The following UNC5D variants were observed in gnomAD, a reference collection of about 807,000 sequenced individuals.
The protein encoded by UNC5D is unc-5 netrin receptor D, also known as netrin receptor UNC5D.
UNC5D carries 39 observed loss-of-function variants against 105.4 expected under a neutral mutation model. The ratio of observed to expected loss-of-function variants is 0.37; its 90% confidence interval spans 0.29 to 0.48. The LOEUF is 0.48. UNC5D is among the 20% of genes least tolerant of loss of function. The pLI is 0.98. For missense variants in UNC5D, 991 were observed against 1,202.4 expected, an observed-to-expected ratio of 0.82 and a Z score of 2.60; for synonymous variants, 452 against 450.4, an observed-to-expected ratio of 1.00 and a Z score of -0.04.
chr8:35,729,632 G>A (rs1374624050), intron 10 of UNC5D, among the ~76,000 whole-genome samples: 1 of 152,214 alleles, frequency 6.6e-6, no homozygotes, highest in Non-Finnish European at 1.5e-5. Flanking sequence ...GATGTCCTGT[G>A]TCTTGCAACT....
At chr8:35,514,942 A>T (rs1249639001) in intron 1 of UNC5D, among the ~76,000 whole-genome samples, 1 of 152,180 alleles carries the variant, frequency 6.6e-6, no homozygotes, top group African/African-American at 2.4e-5. Context: ...GCCGGCTCTG[A>T]AAGTTTATAC....
At chr8:35,612,643 A>G (rs1393960390) in intron 4 of UNC5D, among the ~76,000 whole-genome samples, 7 of 152,074 alleles carry the variant, frequency 4.6e-5, no homozygotes. Flanking sequence ...TAAAGCTTTA[A>G]AAATGAAAGA....
In UNC5D at chr8:35,793,215, C is replaced by T; in HGVS notation, c.*2652C>T. 4.5e-6 allele frequency: 2 copies of T among 443,720 alleles called. No homozygotes were observed. The highest frequency in any genetic ancestry group is 9.0e-6 in the Non-Finnish European group (2 of 221,520). 27.5% of individuals were successfully genotyped at this position (443,720 alleles called of 1,614,324 possible). On this transcript the variant is annotated 3_prime_UTR_variant, in exon 17 of 17. Coordinates refer to ENST00000404895, the MANE Select transcript of UNC5D (RefSeq NM_080872.4). ...CATGTCAGGATTGCACAGTATGTTA[C>T]AATACAATTTCAAAGAGAACCCACA...
At position 35,398,530 on chromosome 8, in the gene UNC5D, TA is replaced by T. The variant is rs909600799; in HGVS notation, c.104-150750del. On this transcript the variant is annotated intron_variant, in intron 1 of 16. Transcript: ENST00000404895. ...ACTAACAGTGCTTCTAAGCAGACAT[TA>T]AAAAAAAAAAAGTGTCTCTTGTTTA... 8.5e-3 allele frequency among the ~76,000 whole-genome samples: 1,235 copies of T among 144,548 alleles called. 7 individuals are homozygous for T. The highest frequency in any genetic ancestry group is 0.013 in the African/African-American group (501 of 39,764). 94.8% of individuals were successfully genotyped at this position (144,548 alleles called of 152,430 possible). A position where few individuals can be genotyped will look rare whatever the true frequency, so the allele number is the denominator to read the frequency against.
intron 1 of UNC5D, chr8:35,256,614 A>T (rs1455552459): frequency 1.3e-5 from 2 of 152,158 alleles, no homozygotes; most frequent in African/African-American, 4.8e-5. Flanking sequence ...ACAAAAAAAA[A>T]AAGAAACTAA....
At chr8:35,684,770 CT>C in intron 6 of UNC5D, 21 bp downstream of exon 6, 5 of 1,587,202 alleles carry the variant, frequency 3.2e-6, no homozygotes, top group Non-Finnish European at 4.3e-6. Flanking sequence ...TGCAGATTCC[CT>C]TTTCCCTTCT....
intron 1 of UNC5D, among the ~76,000 whole-genome samples, chr8:35,393,215 C>G (rs1803887178): frequency 7.2e-6 from 1 of 138,498 alleles, no homozygotes; most frequent in Non-Finnish European, 1.5e-5. Flanking sequence ...TCACTGCAGG[C>G]TCCGCCCCCT....
chr8:35,406,579 G>A (rs1804814498), intron 1 of UNC5D, among the ~76,000 whole-genome samples: 1 of 152,156 alleles, frequency 6.6e-6, no homozygotes, highest in Non-Finnish European at 1.5e-5. Flanking sequence ...ACCAGCTTCA[G>A]CTTCAAAAAG....
chr8:35,783,132 G>A (rs1356862456), intron 16 of UNC5D, among the ~76,000 whole-genome samples: 2 of 150,718 alleles, frequency 1.3e-5, no homozygotes, highest in Non-Finnish European at 2.9e-5. Context: ...GACAGAGTGA[G>A]ACCCTATCTT....
chr8:35,432,694 A>G (rs1806726558), intron 1 of UNC5D, among the ~76,000 whole-genome samples: 2 of 152,182 alleles, frequency 1.3e-5, no homozygotes, highest in African/African-American at 2.4e-5. Flanking sequence ...CATCAGTTAA[A>G]TAATAAACCA....
chr8:35,683,525 A>AAACAT, intron 4 of UNC5D, 22 bp from the exon 5 acceptor site: 1 of 1,553,432 alleles, frequency 6.4e-7, no homozygotes, highest in East Asian at 2.4e-5. Flanking sequence ...AGTGACTTGT[A>AAACAT]AACATTCCTT....
rs10563262 is a variant in UNC5D, at chr8:35,371,176, G to GCACA, written c.103+135314_103+135317dup. Among the ~76,000 whole-genome samples, 180 of 149,278 alleles carry GCACA rather than the reference G, an allele frequency of 1.2e-3. 1 individual carries two copies. The highest frequency in any genetic ancestry group is 2.2e-3 in the African/African-American group (88 of 40,812). ...TGCAGTGAGCTATGATTGTGCCACT[G>GCACA]CACACACACACACACACACACACAC... is the stretch of plus-strand genomic sequence containing the variant. On this transcript the variant is annotated intron_variant, in intron 1 of 16. Coordinates refer to ENST00000404895, the MANE Select transcript of UNC5D (RefSeq NM_080872.4).
intron 1 of UNC5D, among the ~76,000 whole-genome samples, chr8:35,449,731 C>G (rs948107309): frequency 3.3e-5 from 5 of 152,104 alleles, no homozygotes; most frequent in Admixed American, 2.6e-4. Context: ...ACTCTTTCCT[C>G]CAGCCTCCCA....
At chr8:35,378,058 A>G (rs1009693022) in intron 1 of UNC5D, among the ~76,000 whole-genome samples, 17 of 152,032 alleles carry the variant, frequency 1.1e-4, no homozygotes, top group Non-Finnish European at 4.4e-5. Flanking sequence ...GGCTGCTGCT[A>G]TCTGGTCACT....
intron 1 of UNC5D, among the ~76,000 whole-genome samples, chr8:35,324,120 C>T (rs2950924): frequency 0.36 from 54,445 of 150,752 alleles, 10,817 homozygotes; most frequent in Middle Eastern, 0.46. Context: ...AGTCCCAGTA[C>T]GTACTATAGA....
At chr8:35,507,534 A>G (rs887759211) in intron 1 of UNC5D, among the ~76,000 whole-genome samples, 1 of 151,866 alleles carries the variant, frequency 6.6e-6, no homozygotes, top group Non-Finnish European at 1.5e-5. Context: ...GGTCTTGGTT[A>G]TTGATAAAAG....
intron 4 of UNC5D, among the ~76,000 whole-genome samples, chr8:35,605,071 G>C (rs1238457535): frequency 6.6e-6 from 1 of 152,238 alleles, no homozygotes; most frequent in East Asian, 1.9e-4. Flanking sequence ...GTCCAGCTTT[G>C]TTCCGTTGCT....
intron 1 of UNC5D, among the ~76,000 whole-genome samples, chr8:35,270,475 A>C (rs1450112838): frequency 6.6e-6 from 1 of 152,146 alleles, no homozygotes; most frequent in Non-Finnish European, 1.5e-5. Flanking sequence ...GATTATATTG[A>C]GTTAATTTTT....
chr8:35,733,558 C>A (rs1328264375), intron 11 of UNC5D, among the ~76,000 whole-genome samples: 1 of 152,182 alleles, frequency 6.6e-6, no homozygotes, highest in Non-Finnish European at 1.5e-5. Context: ...TGTCTTAGTT[C>A]ATCATGAGAA....
Sources: gnomAD v4.1 joint callset for allele counts (sites outside exome capture counted in the v4.1 genomes callset) on GRCh38, gnomAD v4.1.1 for gene constraint, MANE v1.5 for transcripts, NCBI Gene and HGNC (gene_info 2026-07-23, HGNC 2026-07-21) for gene names.